SLC28A1: variants seen among roughly 807,000 people sequenced by gnomAD.
SLC28A1 encodes solute carrier family 28 member 1.
SLC28A1 carries 64 observed loss-of-function variants against 74.8 expected under a neutral mutation model. The observed-to-expected ratio is 0.86, with a 90% confidence interval of 0.70 to 1.05. SLC28A1 has a LOEUF of 1.05. Ranked by LOEUF, SLC28A1 falls within the 50% of genes least tolerant of loss-of-function variation. SLC28A1 has a pLI of 0.00. For missense variants in SLC28A1, 828 were observed against 822.8 expected, an observed-to-expected ratio of 1.01 and a Z score of -0.08; for synonymous variants, 359 against 335.0, an observed-to-expected ratio of 1.07 and a Z score of -0.78.
chr15:84,928,716 C>G (rs778673577), intron 12 of SLC28A1, among the ~76,000 whole-genome samples: 3 of 150,806 alleles, frequency 2.0e-5, no homozygotes, highest in Non-Finnish European at 4.4e-5. Context: ...CTCCACCTCC[C>G]AGGTTCAAGC....
intron 10 of SLC28A1, among the ~76,000 whole-genome samples, chr15:84,920,463 A>AAAGGGGAAGGGGAAGGGG (rs58546184): frequency 0.066 from 9,251 of 140,708 alleles, 472 homozygotes; most frequent in Admixed American, 0.089. Context: ...AAAGGAAAGG[A>AAAGGGGAAGGGGAAGGGG]AAGGGGAAGG....
intron 10 of SLC28A1, among the ~76,000 whole-genome samples, chr15:84,920,503 G>C (rs75580907): frequency 0.011 from 1,582 of 147,648 alleles, 17 homozygotes; most frequent in Non-Finnish European, 0.018. Flanking sequence ...CTTTCTAATA[G>C]AATGTTTCCC....
chr15:84,941,984 C>T (rs6496547), intron 15 of SLC28A1, among the ~76,000 whole-genome samples: 137,091 of 152,212 alleles, frequency 0.9, 61,951 homozygotes, highest in African/African-American at 0.97. Flanking sequence ...CTCTGAGCCT[C>T]GGTTTACTCC....
chr15:84,934,524 T>A (rs774313443), intron 13 of SLC28A1, among the ~76,000 whole-genome samples: 3 of 152,228 alleles, frequency 2.0e-5, no homozygotes, highest in Non-Finnish European at 4.4e-5. Flanking sequence ...GCACAGCGGA[T>A]GACCCCAACC....
chr15:84,944,528 C>G, intron 16 of SLC28A1, 38 bp from the exon 17 acceptor site: 2 of 1,454,690 alleles, frequency 1.4e-6, no homozygotes, highest in Non-Finnish European at 1.9e-6. Context: ...GAGAGGGACA[C>G]AGCTTCCCAG....
intron 6 of SLC28A1, among the ~76,000 whole-genome samples, chr15:84,898,996 T>C (rs2141718254): frequency 6.6e-6 from 1 of 151,998 alleles, no homozygotes; most frequent in Middle Eastern, 3.4e-3. Flanking sequence ...TGCAGTTGAG[T>C]TCTGCTCAGA....
the SLC28A1 span, among the ~76,000 whole-genome samples, chr15:84,967,922 G>A: frequency 6.6e-6 from 1 of 152,150 alleles, no homozygotes; most frequent in South Asian, 2.1e-4. Flanking sequence ...ACGCACTTCA[G>A]AGGCTCGGGC....
downstream of SLC28A1, among the ~76,000 whole-genome samples, chr15:84,946,083 T>TATA (rs1321419859): frequency 8.3e-5 from 3 of 36,246 alleles, no homozygotes; most frequent in Admixed American, 3.5e-4. Context: ...TGTGTGTATG[T>TATA]TCATATATAT....
At chr15:84,926,802 A>AGGGGGGGGG (rs544419272) in intron 12 of SLC28A1, among the ~76,000 whole-genome samples, 1 of 108,102 alleles carries the variant, frequency 9.3e-6, no homozygotes, top group Non-Finnish European at 1.8e-5. Context: ...GGGTGGGGGG[A>AGGGGGGGGG]GGGGGGGGGT....
intron 2 of SLC28A1, 35 bp downstream of exon 2, chr15:84,886,822 T>C (rs1964656759): frequency 1.0e-6 from 1 of 952,780 alleles, no homozygotes; most frequent in Non-Finnish European, 1.2e-6. Flanking sequence ...CTGTGTGCGC[T>C]GCTGTGCGTC....
chr15:84,934,193 G>A (rs935996345), intron 13 of SLC28A1, among the ~76,000 whole-genome samples: 12 of 152,192 alleles, frequency 7.9e-5, no homozygotes, highest in Non-Finnish European at 1.5e-4. Flanking sequence ...GCAAAAATGC[G>A]CACTCCAGTT....
chr15:84,927,368 ACG>A (rs1239198465), intron 12 of SLC28A1, among the ~76,000 whole-genome samples: 5 of 152,210 alleles, frequency 3.3e-5, no homozygotes, highest in South Asian at 2.1e-4. Context: ...GTCCATTTTT[ACG>A]CTCAGGTTCA....
chr15:84,972,534 T>C, the SLC28A1 span, among the ~76,000 whole-genome samples: 10 of 152,216 alleles, frequency 6.6e-5, no homozygotes, highest in African/African-American at 1.9e-4. Flanking sequence ...TCAGCTGCAA[T>C]TGTGTTCATT....
the SLC28A1 span, among the ~76,000 whole-genome samples, chr15:84,968,714 A>G: frequency 6.6e-6 from 1 of 152,244 alleles, no homozygotes; most frequent in Non-Finnish European, 1.5e-5. Flanking sequence ...TGTGGAACCA[A>G]TCTTGAGAAC....
At chr15:84,962,348 A>G in the SLC28A1 span, among the ~76,000 whole-genome samples, 1 of 151,966 alleles carries the variant, frequency 6.6e-6, no homozygotes. Flanking sequence ...TATTAGGATT[A>G]TAGGTGTGAG....
rs1327073800 is a variant in SLC28A1 at position 84,931,603 on chromosome 15, G to A, written c.1084-1542G>A. 8.7e-4 allele frequency among the ~76,000 whole-genome samples: 98 copies of A among 112,832 alleles called. 1 individual carries two copies. Among genetic ancestry groups the A allele is most frequent in the Admixed American group, 1.1e-3 (8 of 7,362 alleles). 74.0% of individuals were successfully genotyped at this position (112,832 alleles called of 152,430 possible). A position where few individuals can be genotyped will look rare whatever the true frequency, so the allele number is the denominator to read the frequency against. On this transcript the variant is annotated intron_variant, in intron 12 of 18. Transcript: ENST00000394573. ...GGAGGTAGAGTTTGCAGTGAGCCAA[G>A]ATGGCGCCACTACACTCCAGACTGG...
At chr15:84,908,465 T>A (rs1268540164) in intron 8 of SLC28A1, among the ~76,000 whole-genome samples, 1 of 152,144 alleles carries the variant, frequency 6.6e-6, no homozygotes, top group African/African-American at 2.4e-5. Context: ...ATTACAGGTG[T>A]GAGCCACTGC....
chr15:84,912,814 A>ATG (rs1968519881), intron 9 of SLC28A1, among the ~76,000 whole-genome samples: 2 of 126,188 alleles, frequency 1.6e-5, no homozygotes, highest in Non-Finnish European at 1.8e-5. Context: ...GCGCACACAC[A>ATG]CACACACACA....
chr15:84,961,833 C>T, the SLC28A1 span, among the ~76,000 whole-genome samples: 3 of 152,150 alleles, frequency 2.0e-5, no homozygotes, highest in Non-Finnish European at 2.9e-5. Flanking sequence ...GGATTCACAA[C>T]GGCAGCACCT....
Sources: allele counts gnomAD v4.1 joint callset (sites outside exome capture counted in the v4.1 genomes callset), GRCh38; gene constraint gnomAD v4.1.1; transcripts MANE v1.5; gene names NCBI Gene and HGNC (gene_info 2026-07-23, HGNC 2026-07-21).